Variants in DLGAP2 observed in about 807,000 individuals in gnomAD.
The protein encoded by DLGAP2 is disks large-associated protein 2.
Under a neutral mutation model 100.3 loss-of-function variants are expected in DLGAP2, and 26 were observed. The observed-to-expected ratio is 0.26, with a 90% CI of 0.19 to 0.36. DLGAP2 has a LOEUF of 0.36. DLGAP2 is among the 10% of genes least tolerant of loss of function. The probability of loss-of-function intolerance (pLI) is 1.00; values close to 1 mark genes in which losing one functional copy is unlikely to be tolerated. For synonymous variants in DLGAP2, 886 were observed against 630.1 expected (o/e 1.41, Z -6.08); for missense variants, 1,858 against 1,453.2 (o/e 1.28, Z -4.53).
intron 7 of DLGAP2, among the ~76,000 whole-genome samples, chr8:1,627,556 A>G (rs936197242): frequency 6.6e-6 from 1 of 152,262 alleles, no homozygotes; most frequent in Non-Finnish European, 1.5e-5. Context: ...GCAAAGAAGA[A>G]TCGAAAGTTT....
intron 3 of DLGAP2, among the ~76,000 whole-genome samples, chr8:1,316,775 C>G (rs1356807846): frequency 4.9e-5 from 7 of 142,654 alleles, no homozygotes; most frequent in African/African-American, 1.1e-4. Flanking sequence ...AGTACAGCGT[C>G]TCTCCCACAG....
chr8:1,052,105 G>A (rs143239436), intron 2 of DLGAP2, among the ~76,000 whole-genome samples: 1 of 152,226 alleles, frequency 6.6e-6, no homozygotes, highest in Non-Finnish European at 1.5e-5. Flanking sequence ...CCTGTGCCTG[G>A]TGTTGCAGCC....
At chr8:1,287,607 T>G (rs1799964908) in intron 3 of DLGAP2, among the ~76,000 whole-genome samples, 1 of 41,968 alleles carries the variant, frequency 2.4e-5, no homozygotes, top group Admixed American at 2.7e-4. Context: ...TGTATGTGGT[T>G]CTGTTAGGGG....
At chr8:970,613 T>G (rs1799988408) in intron 2 of DLGAP2, among the ~76,000 whole-genome samples, 1 of 152,224 alleles carries the variant, frequency 6.6e-6, no homozygotes, top group African/African-American at 2.4e-5. Context: ...ATTGTTTGTT[T>G]TTACAAACCA....
intron 3 of DLGAP2, among the ~76,000 whole-genome samples, chr8:1,425,870 G>A (rs968242073): frequency 6.6e-5 from 10 of 152,178 alleles, no homozygotes; most frequent in East Asian, 1.9e-4. Context: ...CAGGGAATGC[G>A]GACTGGAGCT....
chr8:1,589,821 T>A (rs750147907), intron 6 of DLGAP2, among the ~76,000 whole-genome samples: 3 of 152,196 alleles, frequency 2.0e-5, no homozygotes, highest in Non-Finnish European at 2.9e-5. Context: ...GGGTGAGGAA[T>A]GCGCATTTGA....
At chr8:784,455 A>C (rs1821783982) in intron 1 of DLGAP2, among the ~76,000 whole-genome samples, 1 of 152,256 alleles carries the variant, frequency 6.6e-6, no homozygotes, top group African/African-American at 2.4e-5. Flanking sequence ...GGAAATAAGA[A>C]TTTAAGGACA....
chr8:857,803 T>A (rs888967370), intron 1 of DLGAP2, among the ~76,000 whole-genome samples: 1 of 152,036 alleles, frequency 6.6e-6, no homozygotes, highest in African/African-American at 2.4e-5. Context: ...CCATGCCGTC[T>A]AGCAGTCAGG....
chr8:1,075,211 G>C (rs1315096831), intron 2 of DLGAP2, among the ~76,000 whole-genome samples: 1 of 152,210 alleles, frequency 6.6e-6, no homozygotes, highest in Non-Finnish European at 1.5e-5. Context: ...TCTAGGGGAG[G>C]TTCTGCCCAG....
chr8:1,408,732 G>A (rs1225731889), intron 3 of DLGAP2, among the ~76,000 whole-genome samples: 2 of 152,194 alleles, frequency 1.3e-5, no homozygotes, highest in Non-Finnish European at 1.5e-5. Flanking sequence ...TCTGGTGAAA[G>A]CAGAACCCGG....
chr8:756,336 G>A (rs1563414028), intron 1 of DLGAP2, among the ~76,000 whole-genome samples: 2 of 152,140 alleles, frequency 1.3e-5, no homozygotes, highest in Admixed American at 6.5e-5. Flanking sequence ...CGGCAAAGAC[G>A]ATGTCGTTGT....
Position 801,768 on chromosome 8 carries a change from G to A in DLGAP2, c.18+63943G>A, listed in dbSNP as rs577632596. ...TTGATGAGAAATAACGTTCACAATA[G>A]GCTGTTTCTCTCCTGGGGGTTCACA... is the stretch of plus-strand genomic sequence containing the variant. On this transcript the variant is annotated intron_variant, in intron 1 of 14. Transcript: ENST00000637795. Among the ~76,000 whole-genome samples, 8 of 152,282 alleles carry A rather than the reference G, an allele frequency of 5.3e-5. No homozygotes were observed. In the South Asian group the frequency reaches 1.4e-3, roughly 28 times the overall value.
intron 1 of DLGAP2, among the ~76,000 whole-genome samples, chr8:889,824 A>T (rs185206118): frequency 1.2e-4 from 18 of 152,338 alleles, no homozygotes; most frequent in African/African-American, 3.1e-4. Context: ...GCTTAAGCAG[A>T]TTCCATCAGA....
At chr8:1,304,129 A>T (rs1314433301) in intron 3 of DLGAP2, among the ~76,000 whole-genome samples, 1 of 152,172 alleles carries the variant, frequency 6.6e-6, no homozygotes, top group East Asian at 1.9e-4. Flanking sequence ...ATATTCATGA[A>T]ATTGCAAGTG....
intron 5 of DLGAP2, among the ~76,000 whole-genome samples, chr8:1,552,061 C>T (rs1330110092): frequency 6.6e-6 from 1 of 152,132 alleles, no homozygotes; most frequent in East Asian, 1.9e-4. Context: ...GAGTTCCGTG[C>T]CATGGGGTCA....
At chr8:1,047,413 C>G (rs1001883845) in intron 2 of DLGAP2, among the ~76,000 whole-genome samples, 9 of 152,044 alleles carry the variant, frequency 5.9e-5, no homozygotes, top group Non-Finnish European at 4.4e-5. Flanking sequence ...GTTAATGATC[C>G]CATATTTTAA....
chr8:942,718 A>C (rs1311050915), intron 2 of DLGAP2, among the ~76,000 whole-genome samples: 1 of 152,210 alleles, frequency 6.6e-6, no homozygotes, highest in East Asian at 1.9e-4. Flanking sequence ...CACCAACTTC[A>C]CTGGGGTCCT....
At chr8:907,310 C>T (rs748243998) in intron 1 of DLGAP2, among the ~76,000 whole-genome samples, 37 of 152,172 alleles carry the variant, frequency 2.4e-4, no homozygotes, top group South Asian at 4.1e-4. Flanking sequence ...TGCACGTTAC[C>T]GGAGTGTGTG....
intron 2 of DLGAP2, among the ~76,000 whole-genome samples, chr8:1,088,796 CA>C (rs1665606661): frequency 2.2e-5 from 2 of 90,630 alleles, no homozygotes; most frequent in African/African-American, 9.5e-5. Context: ...TCACTCCCCC[CA>C]CCCCACTCTC....
Sources: gnomAD v4.1 joint callset for allele counts (sites outside exome capture counted in the v4.1 genomes callset) on GRCh38, gnomAD v4.1.1 for gene constraint, MANE v1.5 for transcripts, NCBI Gene and HGNC (gene_info 2026-07-23, HGNC 2026-07-21) for gene names.